Variants in MED13L observed in about 807,000 individuals in gnomAD.
MED13L encodes the protein mediator complex subunit 13L, also known as mediator of RNA polymerase II transcription subunit 13-like.
In MED13L, 7 loss-of-function variants were observed where a neutral mutation model predicts 220.9. That is an observed-to-expected ratio of 0.03 (90% CI 0.02 to 0.06). The LOEUF is 0.06. Among genes scored for constraint, MED13L ranks in the 10% least tolerant of loss-of-function variants. The pLI is 1.00. For synonymous variants in MED13L, 1,011 were observed against 1,015.2 expected (o/e 1.00, Z 0.08); for missense variants, 1,965 against 2,760.5 (o/e 0.71, Z 6.46).
chr12:116,139,517 C>T (rs1056199350), intron 2 of MED13L, among the ~76,000 whole-genome samples: 3 of 152,152 alleles, frequency 2.0e-5, no homozygotes, highest in African/African-American at 7.2e-5. Context: ...TGTTTTTACA[C>T]TTACCTTCAT....
Position 116,187,049 on chromosome 12 carries a change from A to G in MED13L, c.310+50419T>C, listed in dbSNP as rs1389985620. Among the ~76,000 whole-genome samples the G allele has an allele frequency of 3.9e-5, 6 of 152,194 alleles. No individual in the cohort carries two copies. In the East Asian group the frequency reaches 1.2e-3, roughly 29 times the overall value. ...CCCAATGCTTTGTACTCAGGCAGCTAGCACTTTCCTACCCACACTTGCCCC... is the reference window on the plus strand; with the variant it reads ...CCCAATGCTTTGTACTCAGGCAGCTGGCACTTTCCTACCCACACTTGCCCC... On this transcript the variant is annotated intron_variant, in intron 2 of 30. Coordinates refer to ENST00000281928, the MANE Select transcript of MED13L (RefSeq NM_015335.5).
intron 2 of MED13L, among the ~76,000 whole-genome samples, chr12:116,193,783 T>G (rs528106623): frequency 6.6e-6 from 1 of 152,270 alleles, no homozygotes; most frequent in East Asian, 1.9e-4. Flanking sequence ...ATCATGGGAA[T>G]AGTAGGAGTC....
intron 29 of MED13L, 63 bp downstream of exon 29, chr12:115,966,018 CA>C: frequency 6.3e-7 from 1 of 1,581,916 alleles, no homozygotes; most frequent in Non-Finnish European, 8.7e-7. Context: ...AATTTCTAAC[CA>C]AAATTAAATT....
intron 2 of MED13L, among the ~76,000 whole-genome samples, chr12:116,183,282 G>A (rs1565917020): frequency 6.6e-6 from 1 of 152,164 alleles, no homozygotes; most frequent in East Asian, 1.9e-4. Flanking sequence ...AAACCATGCT[G>A]TGGCCAAATA....
chr12:116,164,171 C>A (rs1879079548), intron 2 of MED13L, among the ~76,000 whole-genome samples: 1 of 152,128 alleles, frequency 6.6e-6, no homozygotes, highest in South Asian at 2.1e-4. Flanking sequence ...ATATTTCATT[C>A]TTTTCCCATC....
chr12:116,134,202 T>C (rs765069586), intron 2 of MED13L, among the ~76,000 whole-genome samples: 1 of 152,192 alleles, frequency 6.6e-6, no homozygotes, highest in Non-Finnish European at 1.5e-5. Flanking sequence ...AACAAAATTA[T>C]TGTACTTCAC....
At chr12:116,049,381 C>T (rs1223104716) in intron 4 of MED13L, among the ~76,000 whole-genome samples, 4 of 152,102 alleles carry the variant, frequency 2.6e-5, no homozygotes, top group Non-Finnish European at 5.9e-5. Flanking sequence ...CCAAAACACC[C>T]CCACAACAAA....
intron 2 of MED13L, among the ~76,000 whole-genome samples, chr12:116,130,859 A>C (rs959340982): frequency 6.6e-6 from 1 of 152,224 alleles, no homozygotes; most frequent in Non-Finnish European, 1.5e-5. Context: ...ATTTAAAAAA[A>C]AAAAACCTTA....
chr12:116,015,979 A>G (rs1879700270), intron 7 of MED13L, among the ~76,000 whole-genome samples: 1 of 151,620 alleles, frequency 6.6e-6, no homozygotes, highest in African/African-American at 2.4e-5. Context: ...TATAAATATA[A>G]TCTATTTCTT....
In MED13L at chr12:115,999,693, AT is replaced by A. The variant is rs1273732003; in HGVS notation, c.2570-2464del. Among the ~76,000 whole-genome samples the A allele has an allele frequency of 1.6e-4, 25 of 152,130 alleles. 1 individual carries two copies. The highest frequency in any genetic ancestry group is 1.5e-3 in the Admixed American group (23 of 15,262). ...CACAAGATTTTGCAAAAAAAAAAAA[AT>A]AGTTCTATTAAATTTGTTTTTACAT... On this transcript the variant is annotated intron_variant, in intron 14 of 30. Transcript: ENST00000281928.
intron 2 of MED13L, among the ~76,000 whole-genome samples, chr12:116,131,262 T>C (rs997305778): frequency 6.6e-6 from 1 of 152,222 alleles, no homozygotes; most frequent in Non-Finnish European, 1.5e-5. Flanking sequence ...ATGGAAATTA[T>C]ACACAAAATA....
Position 115,991,911 on chromosome 12 carries a change from T to C in MED13L, c.3043A>G (p.Thr1015Ala), listed in dbSNP as rs1243744162. Residue 1015 changes from threonine to alanine, a missense_variant, in exon 17 of 31, where the codon ACA becomes GCA. Thr to Ala is a moderately conservative substitution (Grantham distance 58). Around this residue, in one of 10 missense-constraint regions of MED13L, gnomAD observed 233 missense variants for 306.2 expected, o/e 0.76. Transcript: ENST00000281928. This position sits in a 1 kb window ranked among gnomAD's most constrained non-coding sequence, Gnocchi z 7.7. ...GTCACGGGTGTGTTCATCTGTGGTG[T>C]GTTCAGATAGTCTGGATCTGCTAGG... ...GSLADPDYLN[T>A]PQMNTPVTLN... 1 of 1,600,528 alleles carries C rather than the reference T, an allele frequency of 6.2e-7. No individual in the cohort carries two copies. The highest frequency in any genetic ancestry group is 1.3e-5 in the African/African-American group (1 of 74,882).
At chr12:116,002,425 C>G (rs1035304410) in intron 14 of MED13L, among the ~76,000 whole-genome samples, 3 of 152,048 alleles carry the variant, frequency 2.0e-5, no homozygotes, top group Non-Finnish European at 4.4e-5. Flanking sequence ...TCAGAGTATC[C>G]ACATAAGCTA....
At chr12:116,136,170 G>A (rs1308689821) in intron 2 of MED13L, among the ~76,000 whole-genome samples, 2 of 152,130 alleles carry the variant, frequency 1.3e-5, no homozygotes, top group Non-Finnish European at 2.9e-5. Flanking sequence ...CAAAGTGCTG[G>A]GATTACAGGC....
Position 116,015,161 on chromosome 12 carries a change from G to T in MED13L, c.1123C>A (p.His375Asn), listed in dbSNP as rs1879647737. ...TCCTTCCAGACTCGATGGACCATAT[G>T]ATTGTGGAGTTTTGGAGGAATCTTC... ...SGKIPPKLHN[H>N]MVHRVWKECI... The change falls in exon 8 of 31, where the codon CAT becomes AAT. Residue 375 changes from histidine (H) to asparagine (N), a missense_variant. By Grantham distance (68) the His-to-Asn change is moderately conservative. Coordinates refer to ENST00000281928, the MANE Select transcript of MED13L (RefSeq NM_015335.5). 1.9e-6 allele frequency: 3 copies of T among 1,613,858 alleles called. No homozygotes were observed. The highest frequency in any genetic ancestry group is 1.7e-6 in the Non-Finnish European group (2 of 1,179,858).
intron 2 of MED13L, among the ~76,000 whole-genome samples, chr12:116,199,110 T>C (rs17426872): frequency 0.15 from 23,225 of 152,190 alleles, 2,035 homozygotes; most frequent in Middle Eastern, 0.22. Context: ...TTGTTCTTTC[T>C]CCTTGCTCTG....
chr12:116,087,582 T>A (rs1871806962), intron 4 of MED13L, among the ~76,000 whole-genome samples: 1 of 152,156 alleles, frequency 6.6e-6, no homozygotes. Flanking sequence ...AAGGACCCCA[T>A]TTACTAACAG....
At chr12:116,275,746 C>T (rs778838782) in intron 1 of MED13L, among the ~76,000 whole-genome samples, 30 of 151,940 alleles carry the variant, frequency 2.0e-4, no homozygotes, top group African/African-American at 7.3e-4. Flanking sequence ...CACCTCCCCC[C>T]CAAAAAAAAC....
chr12:116,044,730 T>C (rs1881731456), intron 4 of MED13L, among the ~76,000 whole-genome samples: 1 of 152,164 alleles, frequency 6.6e-6, no homozygotes, highest in Non-Finnish European at 1.5e-5. Flanking sequence ...CAAAGAAACA[T>C]CTGGAAAGAA....
Sources: gnomAD v4.1 joint callset for allele counts (sites outside exome capture counted in the v4.1 genomes callset) on GRCh38, gnomAD v4.1.1 for gene constraint, gnomAD v4.1.1 regional missense constraint, Gnocchi (gnomAD v3.1) non-coding constraint, MANE v1.5 for transcripts, NCBI Gene and HGNC (gene_info 2026-07-23, HGNC 2026-07-21) for gene names.